Variants in ZNF329 observed in about 807,000 individuals in gnomAD.
ZNF329 encodes zinc finger protein 329.
A neutral mutation model predicts 26.6 loss-of-function variants in ZNF329; 15 were observed. The observed-to-expected ratio is 0.56, with a 90% CI of 0.38 to 0.87. ZNF329 has a LOEUF of 0.87. ZNF329 is among the 40% of genes least tolerant of loss of function. ZNF329 has a pLI of 0.00. For synonymous variants in ZNF329, 239 were observed against 233.5 expected (o/e 1.02, Z -0.21); for missense variants, 651 against 651.9 (o/e 1.00, Z 0.02).
chr19:58,142,523 G>A (rs1010127510), intron 3 of ZNF329, 34 bp downstream of exon 3: 5 of 152,640 alleles, frequency 3.3e-5, no homozygotes, highest in African/African-American at 7.2e-5. Flanking sequence ...GGGATGTGCT[G>A]AGCTCATGTA....
In ZNF329 at chr19:58,131,195, A is replaced by C. The variant is rs1330341948; in HGVS notation, c.-8-1684T>G. Among the ~76,000 whole-genome samples, 3 of 152,048 alleles carry C rather than the reference A, an allele frequency of 2.0e-5. No homozygotes were observed. The South Asian group carries it at 6.2e-4, about 31-fold the overall frequency. ...AGGCTGCAACATAAAGTCAAAGTTT[A>C]AATAATGTAGTATGCCTTCATAAGT... On this transcript the variant is annotated intron_variant, in intron 3 of 3. Coordinates refer to ENST00000598312, the MANE Select transcript of ZNF329 (RefSeq NM_024620.4).
chr19:58,144,762 T>C (rs140235472), intron 1 of ZNF329, among the ~76,000 whole-genome samples: 1 of 150,746 alleles, frequency 6.6e-6, no homozygotes, highest in African/African-American at 2.4e-5. Flanking sequence ...AATGCAGTAG[T>C]ATGATCATGG....
intron 1 of ZNF329, among the ~76,000 whole-genome samples, chr19:58,150,038 C>T (rs756250717): frequency 6.6e-6 from 1 of 152,112 alleles, no homozygotes; most frequent in Non-Finnish European, 1.5e-5. Flanking sequence ...TTAACCGGGT[C>T]GTTCACTGCA....
At chr19:58,141,502 T>C (rs2075187401) in intron 3 of ZNF329, among the ~76,000 whole-genome samples, 1 of 151,998 alleles carries the variant, frequency 6.6e-6, no homozygotes, top group South Asian at 2.1e-4. Context: ...TCCATGTTGG[T>C]GAGGCTAGTC....
intron 3 of ZNF329, among the ~76,000 whole-genome samples, chr19:58,131,111 A>ATGTGTGTG (rs1555806890): frequency 2.0e-5 from 3 of 147,510 alleles, no homozygotes; most frequent in African/African-American, 7.4e-5. Context: ...ATACATGTAT[A>ATGTGTGTG]TGTGTATATG....
At chr19:58,139,690 G>A (rs966730272) in intron 3 of ZNF329, among the ~76,000 whole-genome samples, 3 of 152,102 alleles carry the variant, frequency 2.0e-5, no homozygotes, top group African/African-American at 7.2e-5. Context: ...TACAAATTTT[G>A]AGGGGACACT....
At chr19:58,154,756 G>T (rs774206790), upstream of ZNF329, 1 of 151,496 alleles carries the variant, frequency 6.6e-6, no homozygotes, top group Non-Finnish European at 1.5e-5. Flanking sequence ...TCCGGGGAAC[G>T]GCTCGGGCGG....
chr19:58,131,909 G>T (rs1163591558), intron 3 of ZNF329, among the ~76,000 whole-genome samples: 1 of 151,718 alleles, frequency 6.6e-6, no homozygotes, highest in Non-Finnish European at 1.5e-5. Context: ...TGTAGTCCCA[G>T]CTACTTGGGA....
At chr19:58,147,700 T>G (rs1275032922) in intron 1 of ZNF329, among the ~76,000 whole-genome samples, 5 of 143,634 alleles carry the variant, frequency 3.5e-5, no homozygotes, top group Non-Finnish European at 6.0e-5. Flanking sequence ...GGGGCGCCTC[T>G]GCCCGGCTGC....
chr19:58,144,859 T>C (rs989212507), intron 1 of ZNF329, among the ~76,000 whole-genome samples: 1 of 149,774 alleles, frequency 6.7e-6, no homozygotes, highest in African/African-American at 2.4e-5. Flanking sequence ...TCTTTTTTTT[T>C]TTTTTTTTGA....
intron 3 of ZNF329, among the ~76,000 whole-genome samples, chr19:58,138,052 C>T (rs1297240720): frequency 2.0e-5 from 3 of 152,208 alleles, no homozygotes; most frequent in South Asian, 2.1e-4. Flanking sequence ...AGGGGTTTAA[C>T]TAACAGTGTA....
rs2074840211 is a variant in ZNF329, at chr19:58,127,998, C to CT, written c.1505dup (p.Arg503GlufsTer4). ...TGGGACCCTCCCTGCTATGGAGTCT[C>CT]TGATGTACTGCCAGGTGAGAGTTCT... On this transcript the variant is annotated frameshift_variant, in exon 4 of 4. Coordinates refer to ENST00000598312, the MANE Select transcript of ZNF329 (RefSeq NM_024620.4). LOFTEE classifies it low-confidence loss of function (END_TRUNC). 5.0e-6 allele frequency: 8 copies of CT among 1,614,074 alleles called. No individual in the cohort carries two copies. The highest frequency in any genetic ancestry group is 1.3e-5 in the African/African-American group (1 of 75,018).
At chr19:58,144,473 C>T (rs953974216) in intron 1 of ZNF329, among the ~76,000 whole-genome samples, 5 of 151,378 alleles carry the variant, frequency 3.3e-5, no homozygotes, top group East Asian at 2.0e-4. Flanking sequence ...CTGCAACCTC[C>T]GCTTCCTGGG....
intron 3 of ZNF329, among the ~76,000 whole-genome samples, chr19:58,130,594 A>G (rs956169556): frequency 5.3e-5 from 8 of 150,946 alleles, no homozygotes; most frequent in African/African-American, 2.0e-4. Flanking sequence ...GAATGGCGCG[A>G]ACCCGGGAGG....
Position 58,143,171 on chromosome 19 carries a change from A to C in ZNF329, c.-180T>G, listed in dbSNP as rs1014504761. On this transcript the variant is annotated 5_prime_UTR_variant, in exon 2 of 4. Transcript: ENST00000598312. ...CAGTGAGCTGTGATCGTGCCACTGC[A>C]CTCCAGCCTGGGTGAGACAGCAAGA... 2.6e-5 allele frequency: 4 copies of C among 152,160 alleles called. No individual in the cohort carries two copies. The highest frequency in any genetic ancestry group is 5.9e-5 in the Non-Finnish European group (4 of 68,094). 9.4% of individuals were successfully genotyped at this position (152,160 alleles called of 1,614,324 possible). A position where few individuals can be genotyped will look rare whatever the true frequency, so the allele number is the denominator to read the frequency against.
In ZNF329 at chr19:58,131,772, C is replaced by T. The variant is rs189916969; in HGVS notation, c.-8-2261G>A. On this transcript the variant is annotated intron_variant, in intron 3 of 3. Transcript: ENST00000598312. The stretch of plus-strand genomic sequence containing the variant: ...GGAGCAGTGGGTCACGCCTGTAATC[C>T]CAGCACTTTGGGAGGCTGAGGCAGG... Among the ~76,000 whole-genome samples, 62 of 152,254 alleles carry T rather than the reference C, an allele frequency of 4.1e-4. No individual in the cohort carries two copies. In the East Asian group the frequency reaches 0.011, roughly 28 times the overall value.
chr19:58,151,848 G>T (rs1449746321), upstream of ZNF329, among the ~76,000 whole-genome samples: 2 of 152,110 alleles, frequency 1.3e-5, no homozygotes, highest in Admixed American at 1.3e-4. Context: ...AGACAAAGGA[G>T]ACCTCAGTTA....
intron 1 of ZNF329, among the ~76,000 whole-genome samples, chr19:58,147,240 G>A (rs1355864923): frequency 8.0e-5 from 12 of 149,946 alleles, no homozygotes; most frequent in South Asian, 6.4e-4. Flanking sequence ...CTGCCCAGCC[G>A]CCCCGTCTGA....
intron 3 of ZNF329, among the ~76,000 whole-genome samples, chr19:58,130,992 G>C (rs890046978): frequency 1.3e-5 from 2 of 152,106 alleles, no homozygotes; most frequent in African/African-American, 4.8e-5. Flanking sequence ...ACAGGGATGA[G>C]CCATTGTGCC....
Sources: allele counts gnomAD v4.1 joint callset (sites outside exome capture counted in the v4.1 genomes callset), GRCh38; gene constraint gnomAD v4.1.1; transcripts MANE v1.5; gene names NCBI Gene and HGNC (gene_info 2026-07-23, HGNC 2026-07-21).